Variants in MMP16 observed in about 807,000 individuals in gnomAD.
The protein encoded by MMP16 is matrix metallopeptidase 16.
A neutral mutation model predicts 67.8 loss-of-function variants in MMP16; 12 were observed. The observed-to-expected ratio is 0.18, with a 90% CI of 0.11 to 0.29. The LOEUF (loss-of-function observed/expected upper bound fraction) is 0.29. Ranked by LOEUF, MMP16 falls within the 10% of genes least tolerant of loss-of-function variation. MMP16 has a pLI of 1.00. For missense variants in MMP16, 475 were observed against 765.7 expected (o/e 0.62, Z 4.48); for synonymous variants, 249 against 255.9 (o/e 0.97, Z 0.26).
chr8:88,263,322 C>T (rs1810419994), intron 1 of MMP16, among the ~76,000 whole-genome samples: 1 of 152,118 alleles, frequency 6.6e-6, no homozygotes, highest in Admixed American at 6.5e-5. Flanking sequence ...CACTTATCCT[C>T]TCAAATGTAT....
chr8:88,278,383 T>C (rs1319341677), intron 1 of MMP16, among the ~76,000 whole-genome samples: 1 of 152,202 alleles, frequency 6.6e-6, no homozygotes, highest in Non-Finnish European at 1.5e-5. Context: ...GGGTGTGTTG[T>C]AATACCGGTG....
At chr8:88,134,893 GCTAT>G (rs1488061994) in intron 4 of MMP16, among the ~76,000 whole-genome samples, 2 of 150,934 alleles carry the variant, frequency 1.3e-5, no homozygotes, top group African/African-American at 4.9e-5. Flanking sequence ...AAGATTGATA[GCTAT>G]CTGATTGGTA....
chr8:88,268,777 A>G (rs910018784), intron 1 of MMP16, among the ~76,000 whole-genome samples: 6 of 152,172 alleles, frequency 3.9e-5, no homozygotes, highest in African/African-American at 1.2e-4. Flanking sequence ...CCTTATACCA[A>G]TAAGTATTCT....
At chr8:88,301,470 A>G (rs557711898) in intron 1 of MMP16, among the ~76,000 whole-genome samples, 2 of 152,306 alleles carry the variant, frequency 1.3e-5, no homozygotes, top group Admixed American at 6.5e-5. Flanking sequence ...AATAAGATGA[A>G]CATCTCAAGA....
chr8:88,109,568 A>G (rs1809299546), intron 6 of MMP16, among the ~76,000 whole-genome samples: 1 of 151,332 alleles, frequency 6.6e-6, no homozygotes, highest in South Asian at 2.1e-4. Context: ...AGAGAAATAT[A>G]GGAGGTCAAC....
intron 1 of MMP16, among the ~76,000 whole-genome samples, chr8:88,259,177 A>AGCTACCTATATATGGAT (rs936127798): frequency 6.6e-6 from 1 of 152,202 alleles, no homozygotes; most frequent in Non-Finnish European, 1.5e-5. Flanking sequence ...GGAGAGCAAT[A>AGCTACCTATATATGGAT]GCTACCTATA....
At chr8:88,229,450 A>T (rs1278341005) in intron 1 of MMP16, among the ~76,000 whole-genome samples, 1 of 152,104 alleles carries the variant, frequency 6.6e-6, no homozygotes, top group Non-Finnish European at 1.5e-5. Flanking sequence ...ATGGTTTTAG[A>T]AAATGAGAGA....
chr8:88,052,827 C>T (rs1480835289), intron 8 of MMP16, among the ~76,000 whole-genome samples: 2 of 152,176 alleles, frequency 1.3e-5, no homozygotes, highest in East Asian at 3.9e-4. Flanking sequence ...TACTCAAGTC[C>T]CCACTCAAGT....
chr8:88,097,324 C>T (rs1809045389), intron 6 of MMP16, among the ~76,000 whole-genome samples: 1 of 151,788 alleles, frequency 6.6e-6, no homozygotes, highest in Admixed American at 6.6e-5. Flanking sequence ...CTTAAACATT[C>T]TATTAAGAAT....
At chr8:88,241,325 T>C (rs1195115739) in intron 1 of MMP16, among the ~76,000 whole-genome samples, 1 of 152,130 alleles carries the variant, frequency 6.6e-6, no homozygotes, top group Non-Finnish European at 1.5e-5. Flanking sequence ...TCGCTTTTCT[T>C]ACCATATTTC....
chr8:88,324,587 C>A (rs1586020980), intron 1 of MMP16, among the ~76,000 whole-genome samples: 1 of 152,250 alleles, frequency 6.6e-6, no homozygotes, highest in Middle Eastern at 3.4e-3. Context: ...ATATGAGCTT[C>A]ATGCATGACT....
intron 9 of MMP16, among the ~76,000 whole-genome samples, chr8:88,042,403 C>T (rs1410759291): frequency 2.0e-5 from 3 of 152,094 alleles, no homozygotes; most frequent in Non-Finnish European, 4.4e-5. Flanking sequence ...CTTTCATTTG[C>T]CTGCAAGGAA....
chr8:88,227,851 C>A (rs557555784), intron 1 of MMP16, among the ~76,000 whole-genome samples: 1 of 152,060 alleles, frequency 6.6e-6, no homozygotes, highest in East Asian at 1.9e-4. Flanking sequence ...CTGAAGAGCC[C>A]ATTCCCTAAA....
chr8:88,225,879 AT>A (rs1372289679), intron 1 of MMP16, among the ~76,000 whole-genome samples: 6 of 151,582 alleles, frequency 4.0e-5, no homozygotes, highest in Non-Finnish European at 8.8e-5. Flanking sequence ...TTCCATTTCT[AT>A]TTCTTAGATT....
At position 88,063,768 on chromosome 8, in the gene MMP16, G is replaced by A. The variant is rs1040837375; in HGVS notation, c.1223-7490C>T. Among the ~76,000 whole-genome samples the A allele has an allele frequency of 2.0e-5, 3 of 151,942 alleles. No homozygotes were observed. The South Asian group carries it at 6.2e-4, about 31-fold the overall frequency. ...TCTTACTATGCAAAATTGACTCTCAGAACAGAACAAGTTCACACTCTGGCT... is the reference window on the plus strand; with the variant it reads ...TCTTACTATGCAAAATTGACTCTCAAAACAGAACAAGTTCACACTCTGGCT... On this transcript the variant is annotated intron_variant, in intron 7 of 9. Coordinates refer to ENST00000286614, the MANE Select transcript of MMP16 (RefSeq NM_005941.5).
intron 1 of MMP16, among the ~76,000 whole-genome samples, chr8:88,262,421 C>A (rs977923025): frequency 6.6e-6 from 1 of 152,124 alleles, no homozygotes; most frequent in Admixed American, 6.5e-5. Flanking sequence ...AAGTATTTTT[C>A]CGGAACTTCA....
intron 4 of MMP16, among the ~76,000 whole-genome samples, chr8:88,161,340 T>C (rs1808619018): frequency 6.6e-6 from 1 of 152,130 alleles, no homozygotes; most frequent in South Asian, 2.1e-4. Context: ...TGCGTAGAGG[T>C]GTTTATAGTA....
At chr8:88,117,653 G>T (rs934172523) in intron 5 of MMP16, among the ~76,000 whole-genome samples, 2 of 151,422 alleles carry the variant, frequency 1.3e-5, no homozygotes, top group Non-Finnish European at 2.9e-5. Flanking sequence ...TCTCTTCTTG[G>T]TATCCCAGCA....
At chr8:88,305,718 C>T (rs1350159447) in intron 1 of MMP16, among the ~76,000 whole-genome samples, 7 of 152,060 alleles carry the variant, frequency 4.6e-5, no homozygotes, top group African/African-American at 1.7e-4. Flanking sequence ...AGGGAGAAAT[C>T]AAGAAGTTCT....
Sources: gnomAD v4.1 joint callset for allele counts (sites outside exome capture counted in the v4.1 genomes callset) on GRCh38, gnomAD v4.1.1 for gene constraint, MANE v1.5 for transcripts, NCBI Gene and HGNC (gene_info 2026-07-23, HGNC 2026-07-21) for gene names.